The following DOCK3 variants were observed in gnomAD, a reference collection of about 807,000 sequenced individuals.
DOCK3 encodes dedicator of cytokinesis 3, also known as dedicator of cytokinesis protein 3.
DOCK3 carries 60 observed loss-of-function variants against 265.6 expected under a neutral mutation model. The ratio of observed to expected loss-of-function variants is 0.23; its 90% CI spans 0.18 to 0.28. DOCK3 has a LOEUF of 0.28. DOCK3 is among the 10% of genes least tolerant of loss of function. The pLI, the probability that DOCK3 is intolerant of heterozygous loss-of-function variation, is 1.00. For synonymous variants in DOCK3, 881 were observed against 938.0 expected (o/e 0.94, Z 1.11); for missense variants, 1,981 against 2,594.3 (o/e 0.76, Z 5.14).
chr3:51,089,007 G>A (rs1344687211), intron 7 of DOCK3, among the ~76,000 whole-genome samples: 1 of 152,176 alleles, frequency 6.6e-6, no homozygotes, highest in African/African-American at 2.4e-5. Context: ...GAAGGGCTCA[G>A]GTTTGAATCT....
At chr3:51,063,666 A>G (rs1473505102) in intron 5 of DOCK3, among the ~76,000 whole-genome samples, 1 of 152,258 alleles carries the variant, frequency 6.6e-6, no homozygotes, top group Admixed American at 6.5e-5. Flanking sequence ...AAGATTTCAC[A>G]TATCAGCAAA....
chr3:50,941,539 G>A (rs772527895), intron 5 of DOCK3, among the ~76,000 whole-genome samples: 8 of 151,978 alleles, frequency 5.3e-5, no homozygotes, highest in Non-Finnish European at 7.4e-5. Context: ...CTTAATATAT[G>A]ACCCAGCCAT....
chr3:51,313,053 G>A (rs944497837), intron 31 of DOCK3, among the ~76,000 whole-genome samples, 151 bp downstream of exon 31: 1 of 152,242 alleles, frequency 6.6e-6, no homozygotes, highest in Non-Finnish European at 1.5e-5. Flanking sequence ...GATGGATGGT[G>A]TAGCACATGT....
intron 17 of DOCK3, 105 bp downstream of exon 17, chr3:51,228,193 A>G: frequency 9.1e-7 from 1 of 1,104,288 alleles, no homozygotes; most frequent in South Asian, 1.3e-5. Flanking sequence ...CCAGAAGACC[A>G]AGGGAAGTGC....
intron 28 of DOCK3, 92 bp from the exon 29 acceptor site, chr3:51,311,912 G>C: frequency 1.1e-6 from 1 of 869,750 alleles, no homozygotes; most frequent in Non-Finnish European, 1.7e-6. Context: ...TACTCAAGAA[G>C]TTTGCACACA....
At chr3:51,320,123 C>T (rs2083607660) in intron 32 of DOCK3, among the ~76,000 whole-genome samples, 1 of 152,154 alleles carries the variant, frequency 6.6e-6, no homozygotes, top group Admixed American at 6.5e-5. Flanking sequence ...AGGTACCCAG[C>T]TCATCTCATT....
chr3:50,749,831 C>G (rs913738744), intron 1 of DOCK3, among the ~76,000 whole-genome samples: 1 of 152,152 alleles, frequency 6.6e-6, no homozygotes, highest in African/African-American at 2.4e-5. Flanking sequence ...GTTTAACTGA[C>G]AGTATTTTCT....
chr3:51,253,475 C>T (rs558619760), intron 22 of DOCK3, among the ~76,000 whole-genome samples: 4 of 152,274 alleles, frequency 2.6e-5, no homozygotes, highest in African/African-American at 9.6e-5. Context: ...TAGAATTCGG[C>T]TGTGAATACG....
intron 22 of DOCK3, among the ~76,000 whole-genome samples, chr3:51,248,630 A>G (rs1402677728): frequency 1.3e-5 from 2 of 152,028 alleles, no homozygotes; most frequent in African/African-American, 4.8e-5. Context: ...CTGGGCAGTG[A>G]GGAGCGTCTC....
intron 1 of DOCK3, among the ~76,000 whole-genome samples, chr3:50,732,856 TAAC>T (rs2038309855): frequency 6.6e-6 from 1 of 152,156 alleles, no homozygotes; most frequent in African/African-American, 2.4e-5. Flanking sequence ...GTTTTGAAAA[TAAC>T]AAAACTTTGC....
intron 27 of DOCK3, among the ~76,000 whole-genome samples, chr3:51,288,103 GAAC>G (rs2081511332): frequency 6.6e-6 from 1 of 152,176 alleles, no homozygotes; most frequent in South Asian, 2.1e-4. Context: ...CATAAGAAGA[GAAC>G]AACAGGCAGG....
At position 50,996,512 on chromosome 3, in the gene DOCK3, C is replaced by T. The variant is rs184770648; in HGVS notation, c.315+62435C>T. Among the ~76,000 whole-genome samples, 56 of 152,182 alleles carry T rather than the reference C, an allele frequency of 3.7e-4. 1 individual carries two copies. The highest frequency in any genetic ancestry group is 2.5e-3 in the Admixed American group (38 of 15,284). Reference sequence around the variant, plus strand: ...GATTATAGGTGTGAGTCACAGTGCCCGGCCTTTTCTTAACTATTTGTAATT... The same window carrying T: ...GATTATAGGTGTGAGTCACAGTGCCTGGCCTTTTCTTAACTATTTGTAATT... On this transcript the variant is annotated intron_variant, in intron 5 of 52. Transcript: ENST00000266037.
At chr3:50,781,067 G>T (rs146371191) in intron 2 of DOCK3, among the ~76,000 whole-genome samples, 47 of 152,060 alleles carry the variant, frequency 3.1e-4, no homozygotes, top group Middle Eastern at 3.4e-3. Flanking sequence ...GGACACTTAG[G>T]TTGATTCCAT....
chr3:51,050,035 T>C (rs574816898), intron 5 of DOCK3, among the ~76,000 whole-genome samples: 4 of 152,124 alleles, frequency 2.6e-5, no homozygotes, highest in Admixed American at 2.6e-4. Flanking sequence ...ATAAAAAAAA[T>C]ACAGCTTTGA....
chr3:50,911,970 T>C lies in DOCK3; in HGVS notation c.218+21889T>C, dbSNP rs939627719. ...GGGCTTGCTTTTTGGTTTCTTTTTC[T>C]GCTAGTTTGTTGTTGGTCTCTTGAA... is the stretch of plus-strand genomic sequence containing the variant. On this transcript the variant is annotated intron_variant, in intron 4 of 52. Transcript: ENST00000266037. 1.6e-4 allele frequency among the ~76,000 whole-genome samples: 24 copies of C among 152,114 alleles called. 1 individual carries two copies. The highest frequency in any genetic ancestry group is 5.3e-4 in the African/African-American group (22 of 41,358).
At position 51,314,563 on chromosome 3, in the gene DOCK3, A is replaced by G. The variant is rs376225281; in HGVS notation, c.3254-417A>G. Among the ~76,000 whole-genome samples, 16 of 152,356 alleles carry G rather than the reference A, an allele frequency of 1.1e-4. No individual in the cohort carries two copies. In the East Asian group the frequency reaches 2.9e-3, roughly 28 times the overall value. ...ACTTAAATGTCTCTGGGCTAGAGCT[A>G]GAAACTCCAAGGAGAGTGCATTGTA... On this transcript the variant is annotated intron_variant, in intron 31 of 52. Transcript: ENST00000266037.
chr3:51,161,820 A>G (rs2086155149), intron 12 of DOCK3, among the ~76,000 whole-genome samples: 1 of 152,154 alleles, frequency 6.6e-6, no homozygotes, highest in African/African-American at 2.4e-5. Context: ...TTTTCTGAGG[A>G]GCTAAGATAT....
chr3:50,990,852 C>G (rs1450516771), intron 5 of DOCK3, among the ~76,000 whole-genome samples: 2 of 152,090 alleles, frequency 1.3e-5, no homozygotes, highest in African/African-American at 4.8e-5. Flanking sequence ...TAGATGGTGC[C>G]CACCCCAATT....
intron 4 of DOCK3, among the ~76,000 whole-genome samples, chr3:50,922,497 G>A (rs1006280989): frequency 6.6e-5 from 10 of 152,222 alleles, no homozygotes; most frequent in South Asian, 2.1e-4. Context: ...GACCCCTTGC[G>A]CTTCCCACGT....
Sources: gnomAD v4.1 joint callset for allele counts (sites outside exome capture counted in the v4.1 genomes callset) on GRCh38, gnomAD v4.1.1 for gene constraint, MANE v1.5 for transcripts, NCBI Gene and HGNC (gene_info 2026-07-23, HGNC 2026-07-21) for gene names.